PLD1: variants seen among roughly 807,000 people sequenced by gnomAD.
PLD1 encodes choline phosphatase 1.
In PLD1, 112 loss-of-function variants were observed where a neutral mutation model predicts 137.1. The ratio of observed to expected loss-of-function variants is 0.82; its 90% CI spans 0.70 to 0.96. PLD1 has a LOEUF of 0.96. Among genes scored for constraint, PLD1 ranks in the 40% least tolerant of loss-of-function variants. PLD1 has a pLI of 0.00. For synonymous variants in PLD1, 431 were observed against 454.7 expected (o/e 0.95, Z 0.66); for missense variants, 1,321 against 1,342.0 (o/e 0.98, Z 0.24).
intron 19 of PLD1, among the ~76,000 whole-genome samples, chr3:171,666,764 A>G (rs1712190267): frequency 6.6e-6 from 1 of 152,210 alleles, no homozygotes. Context: ...ATCAAATCTA[A>G]TCTATACTTT....
chr3:171,697,058 AC>A (rs1247573749), intron 12 of PLD1, among the ~76,000 whole-genome samples: 3 of 152,146 alleles, frequency 2.0e-5, no homozygotes, highest in Admixed American at 6.5e-5. Flanking sequence ...ATGCCAGCAA[AC>A]AAGAGGTGGA....
At chr3:171,698,384 G>T (rs987065551) in intron 12 of PLD1, among the ~76,000 whole-genome samples, 5 of 152,194 alleles carry the variant, frequency 3.3e-5, no homozygotes, top group Admixed American at 2.6e-4. Flanking sequence ...CCATCAAAAT[G>T]ATGTTGTTTG....
chr3:171,724,876 C>T, intron 7 of PLD1, 88 bp from the exon 8 acceptor site: 1 of 798,096 alleles, frequency 1.3e-6, no homozygotes, highest in Non-Finnish European at 2.2e-6. Flanking sequence ...ACTAAATAAA[C>T]CATCTCATTC....
intron 1 of PLD1, among the ~76,000 whole-genome samples, chr3:171,786,071 G>A (rs1723003779): frequency 1.3e-5 from 2 of 152,178 alleles, no homozygotes; most frequent in South Asian, 4.1e-4. Context: ...ACTGGAAACA[G>A]TATTATAGGA....
At chr3:171,768,748 T>C (rs1379911699) in intron 1 of PLD1, among the ~76,000 whole-genome samples, 2 of 152,228 alleles carry the variant, frequency 1.3e-5, no homozygotes, top group Non-Finnish European at 2.9e-5. Context: ...TATAAGAAAA[T>C]TGGCATCACG....
intron 24 of PLD1, 93 bp downstream of exon 24, chr3:171,620,293 C>T (rs942979280): frequency 4.7e-6 from 4 of 853,060 alleles, no homozygotes; most frequent in Middle Eastern, 2.4e-4. Context: ...GTTTCAAATG[C>T]AAAGGATGCT....
intron 19 of PLD1, among the ~76,000 whole-genome samples, chr3:171,663,880 T>C (rs1711808416): frequency 6.6e-6 from 1 of 152,184 alleles, no homozygotes; most frequent in Admixed American, 6.5e-5. Flanking sequence ...AGCGATCCAA[T>C]ACATAATCAG....
intron 21 of PLD1, among the ~76,000 whole-genome samples, chr3:171,650,799 G>A (rs2108400792): frequency 6.6e-6 from 1 of 152,270 alleles, no homozygotes; most frequent in Admixed American, 6.5e-5. Flanking sequence ...TCGGGAGGCT[G>A]AGGCAGGAGA....
intron 11 of PLD1, among the ~76,000 whole-genome samples, chr3:171,704,469 A>AAAAAAAAAAAAAC (rs1716513298): frequency 6.6e-6 from 1 of 150,412 alleles, no homozygotes; most frequent in Admixed American, 6.6e-5. Context: ...AAAAAAAAAA[A>AAAAAAAAAAAAAC]AAAAAAAACC....
chr3:171,750,257 G>C (rs1340846537), intron 1 of PLD1, among the ~76,000 whole-genome samples: 1 of 152,094 alleles, frequency 6.6e-6, no homozygotes, highest in African/African-American at 2.4e-5. Flanking sequence ...TTGCAGGATG[G>C]GCTTAACAGC....
intron 1 of PLD1, chr3:171,771,508 G>A (rs747810127): frequency 6.6e-6 from 1 of 152,198 alleles, no homozygotes; most frequent in Non-Finnish European, 1.5e-5. Context: ...ATGAGCTACA[G>A]CTTCAGGCTG....
chr3:171,616,340 T>C (rs568633054), intron 24 of PLD1, among the ~76,000 whole-genome samples: 1 of 152,356 alleles, frequency 6.6e-6, no homozygotes, highest in African/African-American at 2.4e-5. Flanking sequence ...TGTGCTTATT[T>C]TGTGTGTCTC....
At chr3:171,799,955 G>A (rs1165758306) in intron 1 of PLD1, among the ~76,000 whole-genome samples, 2 of 152,128 alleles carry the variant, frequency 1.3e-5, no homozygotes, top group African/African-American at 2.4e-5. Context: ...GGAGCCCAAG[G>A]AGACACAACT....
At chr3:171,771,814 T>TA (rs1722367393) in intron 1 of PLD1, among the ~76,000 whole-genome samples, 1 of 152,232 alleles carries the variant, frequency 6.6e-6, no homozygotes. Context: ...TGAATAAGCT[T>TA]AAAAACCTCA....
At chr3:171,607,484 C>G (rs1479118938) in intron 25 of PLD1, among the ~76,000 whole-genome samples, 1 of 151,918 alleles carries the variant, frequency 6.6e-6, no homozygotes, top group East Asian at 1.9e-4. Context: ...CTAAAATAGG[C>G]AATATATTAT....
Position 171,605,347 on chromosome 3 carries a change from C to G in PLD1, c.2952G>C (p.Lys984Asn). 6.2e-7 allele frequency: 1 copy of G among 1,613,906 alleles called. No individual in the cohort carries two copies. The highest frequency in any genetic ancestry group is 8.5e-7 in the Non-Finnish European group (1 of 1,179,800). The change falls in exon 26 of 27, where the codon AAG becomes AAC. Residue 984 changes from lysine (K) to asparagine (N), a missense_variant. Transcript: ENST00000351298. ...IQDPVSDKFF[K>N]EVWVSTAARN... The stretch of plus-strand genomic sequence containing the variant: ...GAGCTGCTGTTGAAACCCACACCTC[C>G]TTGAAGAATTTGTCACTCACTGGAT...
intron 19 of PLD1, among the ~76,000 whole-genome samples, chr3:171,665,465 C>T (rs189431866): frequency 6.6e-6 from 1 of 152,188 alleles, no homozygotes; most frequent in Non-Finnish European, 1.5e-5. Flanking sequence ...TTTCGGAGGC[C>T]GAGGTGGGCA....
intron 16 of PLD1, among the ~76,000 whole-genome samples, chr3:171,685,425 T>C (rs1456494189): frequency 6.6e-6 from 1 of 152,194 alleles, no homozygotes; most frequent in Non-Finnish European, 1.5e-5. Context: ...ATAGTAATCT[T>C]TATTTCTGCT....
chr3:171,642,850 T>C lies in PLD1; in HGVS notation c.2583A>G (p.Leu861=). Residue 861 remains leucine (L), a synonymous_variant, in exon 23 of 27, where the codon TTA becomes TTG. Transcript: ENST00000351298. ...CRGENSILGQ[L]KAELGNQWIN... ...AAAGCAGTTACTTACGCTCTGCTTT[T>C]AACTGTCCAAGGATGGAATTTTCTC... 6.3e-7 allele frequency: 1 copy of C among 1,583,596 alleles called. No individual in the cohort carries two copies. Among genetic ancestry groups the C allele is most frequent in the Non-Finnish European group, 8.6e-7 (1 of 1,160,126 alleles).
Sources: allele counts gnomAD v4.1 joint callset (sites outside exome capture counted in the v4.1 genomes callset), GRCh38; gene constraint gnomAD v4.1.1; transcripts MANE v1.5; gene names NCBI Gene and HGNC (gene_info 2026-07-23, HGNC 2026-07-21).